The following KLHL2 variants were observed in gnomAD, a reference collection of about 807,000 sequenced individuals.
The protein encoded by KLHL2 is kelch like family member 2, also known as kelch-like protein 2.
A neutral mutation model predicts 75.8 loss-of-function variants in KLHL2; 15 were observed. That is an observed-to-expected ratio of 0.20 (90% CI 0.13 to 0.30). KLHL2 has a LOEUF of 0.30. Among genes scored for constraint, KLHL2 ranks in the 10% least tolerant of loss-of-function variants. The pLI, the probability that KLHL2 is intolerant of heterozygous loss-of-function variation, is 1.00. For missense variants in KLHL2, 381 were observed against 741.0 expected (o/e 0.51, Z 5.64); for synonymous variants, 214 against 251.9 (o/e 0.85, Z 1.42).
At chr4:165,291,058 A>C (rs757064643) in intron 5 of KLHL2, among the ~76,000 whole-genome samples, 1 of 152,166 alleles carries the variant, frequency 6.6e-6, no homozygotes, top group Non-Finnish European at 1.5e-5. Flanking sequence ...TGATGTTTTA[A>C]TATGCAGTTC....
At chr4:165,311,590 TAC>T (rs1353095690) in intron 11 of KLHL2, 25 bp downstream of exon 11, 2 of 1,527,028 alleles carry the variant, frequency 1.3e-6, no homozygotes, top group Non-Finnish European at 1.8e-6. Context: ...TTCTTTCAGG[TAC>T]ATGTGGCATT....
chr4:165,229,721 A>G (rs942809211), intron 3 of KLHL2, among the ~76,000 whole-genome samples: 1 of 152,204 alleles, frequency 6.6e-6, no homozygotes, highest in Admixed American at 6.5e-5. Context: ...GCACCCTTTA[A>G]TAGGTAATAG....
At position 165,287,131 on chromosome 4, in the gene KLHL2, T is replaced by A. The variant is rs182931214; in HGVS notation, c.545-7228T>A. On this transcript the variant is annotated intron_variant, in intron 5 of 14. Coordinates refer to ENST00000226725, the MANE Select transcript of KLHL2 (RefSeq NM_007246.4). ...TCTTCATTTTGCAAAACTGAAACTCTGTACCTTTTAAACAACTCGTCTTTT... is the reference window on the plus strand; with the variant it reads ...TCTTCATTTTGCAAAACTGAAACTCAGTACCTTTTAAACAACTCGTCTTTT... Among the ~76,000 whole-genome samples the A allele has an allele frequency of 1.1e-4, 16 of 152,328 alleles. No homozygotes were observed. In the East Asian group the frequency reaches 2.9e-3, roughly 28 times the overall value.
At chr4:165,284,573 C>T (rs982157391) in intron 5 of KLHL2, among the ~76,000 whole-genome samples, 5 of 152,308 alleles carry the variant, frequency 3.3e-5, no homozygotes, top group African/African-American at 1.2e-4. Context: ...CAAAGCCATT[C>T]AACAAATCTC....
At chr4:165,236,901 T>C (rs2111088058) in intron 3 of KLHL2, among the ~76,000 whole-genome samples, 1 of 151,720 alleles carries the variant, frequency 6.6e-6, no homozygotes, top group Non-Finnish European at 1.5e-5. Flanking sequence ...CCTTAAAAAC[T>C]ATAATATTAA....
intron 4 of KLHL2, among the ~76,000 whole-genome samples, chr4:165,261,822 A>C (rs59523455): frequency 0.02 from 3,106 of 152,248 alleles, 90 homozygotes; most frequent in African/African-American, 0.071. Context: ...TAGATTTAGG[A>C]AAGTCATAAC....
At chr4:165,217,624 GTA>G (rs1737641073) in intron 1 of KLHL2, among the ~76,000 whole-genome samples, 1 of 152,200 alleles carries the variant, frequency 6.6e-6, no homozygotes, top group Non-Finnish European at 1.5e-5. Flanking sequence ...TGCACTTGTA[GTA>G]GGCAAGCCCT....
At chr4:165,283,160 T>G (rs6536901) in intron 5 of KLHL2, among the ~76,000 whole-genome samples, 9 of 151,930 alleles carry the variant, frequency 5.9e-5, no homozygotes, top group African/African-American at 1.9e-4. Context: ...GATGAGATTT[T>G]GTGGAGACAC....
chr4:165,288,667 G>A (rs568011381), intron 5 of KLHL2, among the ~76,000 whole-genome samples: 1 of 152,054 alleles, frequency 6.6e-6, no homozygotes, highest in South Asian at 2.1e-4. Context: ...TTTTGTAGTT[G>A]TTAAAAGCAG....
intron 4 of KLHL2, among the ~76,000 whole-genome samples, chr4:165,261,963 G>A (rs930331358): frequency 2.0e-5 from 3 of 152,006 alleles, no homozygotes; most frequent in African/African-American, 7.3e-5. Context: ...ACCATTGTTC[G>A]AATAGTTGAA....
At chr4:165,291,997 C>T (rs1744551359) in intron 5 of KLHL2, among the ~76,000 whole-genome samples, 1 of 151,626 alleles carries the variant, frequency 6.6e-6, no homozygotes, top group African/African-American at 2.4e-5. Context: ...GCTCGGTGTC[C>T]CATATACTTT....
At chr4:165,239,412 G>T (rs184710479) in intron 4 of KLHL2, among the ~76,000 whole-genome samples, 1 of 152,016 alleles carries the variant, frequency 6.6e-6, no homozygotes, top group Non-Finnish European at 1.5e-5. Flanking sequence ...GACTACAGGC[G>T]TGTGCCACTA....
intron 5 of KLHL2, among the ~76,000 whole-genome samples, chr4:165,265,912 G>A (rs1485951598): frequency 6.6e-6 from 1 of 152,168 alleles, no homozygotes; most frequent in Non-Finnish European, 1.5e-5. Context: ...TTCCACGATG[G>A]TTGAACTAAT....
intron 3 of KLHL2, among the ~76,000 whole-genome samples, chr4:165,229,275 A>G (rs1443561861): frequency 6.6e-6 from 1 of 152,224 alleles, no homozygotes; most frequent in Non-Finnish European, 1.5e-5. Context: ...TGTTACATTG[A>G]ACAAAAAGAT....
Position 165,283,745 on chromosome 4 carries a change from G to A in KLHL2, c.545-10614G>A, listed in dbSNP as rs1743869237. Reference sequence around the variant, plus strand: ...GTACCCCAGTAGGGATTCTGTGTGGGGACTCTGACCCCACATTTCTCTTCT... The same window carrying A: ...GTACCCCAGTAGGGATTCTGTGTGGAGACTCTGACCCCACATTTCTCTTCT... On this transcript the variant is annotated intron_variant, in intron 5 of 14. Coordinates refer to ENST00000226725, the MANE Select transcript of KLHL2 (RefSeq NM_007246.4). Among the ~76,000 whole-genome samples the A allele has an allele frequency of 2.0e-5, 3 of 152,266 alleles. No homozygotes were observed. The South Asian group carries it at 6.2e-4, about 32-fold the overall frequency.
chr4:165,278,657 C>T (rs754793500), intron 5 of KLHL2: 71 of 1,597,272 alleles, frequency 4.4e-5, no homozygotes, highest in Middle Eastern at 1.7e-4. Context: ...TCTTAGCCAG[C>T]GAATAACAGC....
At position 165,319,582 on chromosome 4, in the gene KLHL2, C is replaced by T. The variant is rs2126593385; in HGVS notation, c.1753+1613C>T. Among the ~76,000 whole-genome samples the T allele has an allele frequency of 6.6e-6, 1 of 152,202 alleles. No homozygotes were observed. On this transcript the variant is annotated intron_variant, in intron 14 of 14. Transcript: ENST00000226725. This position sits in a 1 kb window ranked among gnomAD's most constrained non-coding sequence, Gnocchi z 4.5. ...AAAACTTCACACTTTTTGTGAAATC[C>T]CTTTTTATCTTGTGTTGAACATGCA...
At position 165,314,123 on chromosome 4, in the gene KLHL2, A is replaced by C. The variant is rs1024793575; in HGVS notation, c.1566A>C (p.Ala522=). Residue 522 remains alanine, a synonymous_variant, in exon 13 of 15, where the codon GCA becomes GCC. Transcript: ENST00000226725. ...AAGTATATGATCCCACCACTAACGC[A>C]TGGAGACAGGTTGCAGATATGAACA... ...SVEVYDPTTN[A]WRQVADMNMC... The C allele has an allele frequency of 6.2e-7, 1 of 1,613,786 alleles. No individual in the cohort carries two copies. The highest frequency in any genetic ancestry group is 8.5e-7 in the Non-Finnish European group (1 of 1,179,742).
At chr4:165,252,660 C>T (rs553773729) in intron 4 of KLHL2, 12 of 152,142 alleles carry the variant, frequency 7.9e-5, no homozygotes, top group East Asian at 3.9e-4. Context: ...TTATTTCTTG[C>T]GAAAATAGAA....
Sources: gnomAD v4.1 joint callset for allele counts (sites outside exome capture counted in the v4.1 genomes callset) on GRCh38, gnomAD v4.1.1 for gene constraint, Gnocchi (gnomAD v3.1) non-coding constraint, MANE v1.5 for transcripts, NCBI Gene and HGNC (gene_info 2026-07-23, HGNC 2026-07-21) for gene names.